Variants in OGDH observed in about 807,000 individuals in gnomAD.
The protein encoded by OGDH is oxoglutarate dehydrogenase.
In OGDH, 38 loss-of-function variants were observed where a neutral mutation model predicts 116.6. The ratio of observed to expected loss-of-function variants is 0.33; its 90% confidence interval spans 0.25 to 0.43. OGDH has a LOEUF of 0.43. Ranked by LOEUF, OGDH falls within the 20% of genes least tolerant of loss-of-function variation. The pLI is 1.00. For missense variants in OGDH, 825 were observed against 1,357.2 expected, an observed-to-expected ratio of 0.61 and a Z score of 6.16; for synonymous variants, 488 against 533.3, an observed-to-expected ratio of 0.92 and a Z score of 1.17.
At chr7:44,612,166 C>A (rs1784591055) in intron 1 of OGDH, among the ~76,000 whole-genome samples, 1 of 152,080 alleles carries the variant, frequency 6.6e-6, no homozygotes, top group South Asian at 2.1e-4. Context: ...TGTTTTTCTT[C>A]CATTGAATTG....
intron 10 of OGDH, among the ~76,000 whole-genome samples, chr7:44,688,606 A>G (rs1347024058): frequency 4.7e-5 from 7 of 149,642 alleles, no homozygotes; most frequent in Non-Finnish European, 1.0e-4. Flanking sequence ...AATTTTTTGT[A>G]TTTTTAGTAG....
At chr7:44,609,339 C>CAAAA (rs1185554089) in intron 1 of OGDH, among the ~76,000 whole-genome samples, 1,059 of 81,486 alleles carry the variant, frequency 0.013, 23 homozygotes, top group African/African-American at 0.037. Context: ...CTCGTCTCTA[C>CAAAA]AAAAAAAAAA....
At chr7:44,675,080 C>A (rs1047482270) in intron 7 of OGDH, 98 bp from the exon 8 acceptor site, 2 of 937,060 alleles carry the variant, frequency 2.1e-6, no homozygotes, top group Non-Finnish European at 3.4e-6. Flanking sequence ...GGTGCCGTGT[C>A]CTGGGGGGAG....
chr7:44,684,272 A>C (rs1469729352), intron 10 of OGDH, among the ~76,000 whole-genome samples: 1 of 152,154 alleles, frequency 6.6e-6, no homozygotes, highest in Non-Finnish European at 1.5e-5. Context: ...GGAAGTGATG[A>C]GATACTGGTT....
intron 2 of OGDH, among the ~76,000 whole-genome samples, chr7:44,643,249 T>C (rs965521702): frequency 1.3e-5 from 2 of 152,326 alleles, no homozygotes; most frequent in Middle Eastern, 6.8e-3. Flanking sequence ...TGACTGGGAC[T>C]ACAGGCACAT....
intron 4 of OGDH, among the ~76,000 whole-genome samples, chr7:44,658,341 T>C (rs948833762): frequency 6.6e-6 from 1 of 152,168 alleles, no homozygotes; most frequent in African/African-American, 2.4e-5. Context: ...CACTTAACTA[T>C]TATTTTCTTT....
At chr7:44,670,776 C>T (rs1038842084) in intron 5 of OGDH, among the ~76,000 whole-genome samples, 1 of 151,676 alleles carries the variant, frequency 6.6e-6, no homozygotes, top group Non-Finnish European at 1.5e-5. Context: ...TTTGGGAGGC[C>T]AAGGCGGGCG....
In OGDH at chr7:44,697,397, G is replaced by A; in HGVS notation, c.2079G>A (p.Gln693=). Residue 693 remains glutamine (Q), a synonymous_variant, in exon 16 of 23, where the codon CAG becomes CAA. Transcript: ENST00000222673. This position sits in a 1 kb window ranked among gnomAD's most constrained non-coding sequence, Gnocchi z 6.0. The part of the protein sequence containing the change: ...FSHRHHVLHD[Q]NVDKRTCIPM... ...ACCGCCACCATGTGCTCCATGACCA[G>A]AATGTGGACAAGAGAACCTGCATCC... 2 of 1,614,208 alleles carry A rather than the reference G, an allele frequency of 1.2e-6. No homozygotes were observed. Among genetic ancestry groups the A allele is most frequent in the Non-Finnish European group, 1.7e-6 (2 of 1,180,036 alleles).
intron 9 of OGDH, among the ~76,000 whole-genome samples, chr7:44,676,877 G>T (rs1787725682): frequency 6.6e-6 from 1 of 152,110 alleles, no homozygotes; most frequent in Non-Finnish European, 1.5e-5. Context: ...AGAAATTGTA[G>T]AACTGAGACT....
At chr7:44,661,600 T>G (rs1055347774) in intron 4 of OGDH, among the ~76,000 whole-genome samples, 2 of 151,992 alleles carry the variant, frequency 1.3e-5, no homozygotes, top group Admixed American at 6.6e-5. Flanking sequence ...TAGTTTATGG[T>G]TTTTTGGGTT....
At chr7:44,705,784 A>G (rs1213938393) in intron 20 of OGDH, among the ~76,000 whole-genome samples, 2 of 152,160 alleles carry the variant, frequency 1.3e-5, no homozygotes, top group Non-Finnish European at 2.9e-5. Context: ...TAGAAACACA[A>G]CTGGTTTTGG....
intron 1 of OGDH, among the ~76,000 whole-genome samples, chr7:44,621,563 A>T (rs1785010697): frequency 6.6e-6 from 1 of 152,080 alleles, no homozygotes. Flanking sequence ...TCTTCCCGTG[A>T]GTCATCTTAA....
intron 4 of OGDH, among the ~76,000 whole-genome samples, chr7:44,663,877 T>G (rs1787060157): frequency 1.3e-5 from 2 of 152,018 alleles, no homozygotes; most frequent in Non-Finnish European, 1.5e-5. Flanking sequence ...GAGGTTAAGG[T>G]TGCAGTGAGC....
intron 1 of OGDH, among the ~76,000 whole-genome samples, chr7:44,621,856 G>GACTA (rs1260391441): frequency 3.4e-5 from 5 of 147,268 alleles, no homozygotes; most frequent in African/African-American, 1.2e-4. Context: ...GGACTACAGA[G>GACTA]CAAGACTCCG....
rs1058128 is a variant in OGDH, at chr7:44,708,852, G to A, written c.*853G>A. Reference sequence around the variant, plus strand: ...CCCAATGGAGACTTTCTGATGCATCGTTTTCTTTGCTGTGCCAAAGCAGGT... The same window carrying A: ...CCCAATGGAGACTTTCTGATGCATCATTTTCTTTGCTGTGCCAAAGCAGGT... On this transcript the variant is annotated 3_prime_UTR_variant, in exon 23 of 23. Transcript: ENST00000222673. 0.23 allele frequency: 34,968 copies of A among 152,082 alleles called. 7,358 individuals are homozygous for A. The highest frequency in any genetic ancestry group is 0.55 in the African/African-American group (22,587 of 41,428). The allele number at this position is 152,082 out of a possible 1,614,324, so 9.4% of individuals were successfully genotyped here.
chr7:44,609,193 G>T (rs902285183), intron 1 of OGDH, among the ~76,000 whole-genome samples: 4 of 152,028 alleles, frequency 2.6e-5, no homozygotes, highest in African/African-American at 7.2e-5. Context: ...AATCATCCAG[G>T]TTGTTGCGTG....
intron 2 of OGDH, among the ~76,000 whole-genome samples, chr7:44,634,897 G>T (rs77637982): frequency 6.6e-5 from 10 of 152,346 alleles, no homozygotes; most frequent in African/African-American, 2.4e-4. Flanking sequence ...AGGCTCTGGA[G>T]GTGGGCATTC....
intron 10 of OGDH, among the ~76,000 whole-genome samples, chr7:44,690,450 A>G (rs1788320065): frequency 6.6e-6 from 1 of 152,232 alleles, no homozygotes; most frequent in South Asian, 2.1e-4. Context: ...AAGAGAGTAC[A>G]TTGGTGGTAT....
At chr7:44,652,778 G>A (rs996483364) in intron 4 of OGDH, among the ~76,000 whole-genome samples, 1 of 152,096 alleles carries the variant, frequency 6.6e-6, no homozygotes, top group Admixed American at 6.5e-5. Context: ...CAGATCTGGA[G>A]AATGAGGCAC....
Sources: allele counts gnomAD v4.1 joint callset (sites outside exome capture counted in the v4.1 genomes callset), GRCh38; gene constraint gnomAD v4.1.1; non-coding constraint Gnocchi (gnomAD v3.1); transcripts MANE v1.5; gene names NCBI Gene and HGNC (gene_info 2026-07-23, HGNC 2026-07-21).